Variants in OTOA observed in about 807,000 individuals in gnomAD.
The protein encoded by OTOA is cancer/testis antigen 108.
OTOA carries 70 observed loss-of-function variants against 110.8 expected under a neutral mutation model. The ratio of observed to expected loss-of-function variants is 0.63; its 90% confidence interval spans 0.52 to 0.77. The LOEUF is 0.77. Ranked by LOEUF, OTOA falls within the 30% of genes least tolerant of loss-of-function variation. The probability of loss-of-function intolerance (pLI) is 0.00; values close to 1 mark genes in which losing one functional copy is unlikely to be tolerated. For missense variants in OTOA, 917 were observed against 1,075.8 expected, an observed-to-expected ratio of 0.85 and a Z score of 2.06; for synonymous variants, 373 against 431.5, an observed-to-expected ratio of 0.86 and a Z score of 1.68.
chr16:21,716,940 G>T lies in OTOA; in HGVS notation c.1522G>T (p.Val508Leu). The T allele has an allele frequency of 6.2e-7, 1 of 1,614,006 alleles. No individual in the cohort carries two copies. The highest frequency in any genetic ancestry group is 8.5e-7 in the Non-Finnish European group (1 of 1,180,000). The change falls in exon 15 of 29, where the codon GTG (valine) becomes TTG (leucine). Residue 508 changes from valine (V) to leucine (L), a missense_variant. Physicochemically the swap from Val to Leu is conservative, Grantham distance 32. This residue lies in a region of OTOA where 840 missense variants were observed against 910.2 expected (regional missense o/e 0.92). Transcript: ENST00000646100. ...VQAEDTAPGI[V>L]EIQGAFFKEV... ...AGCGGAAGACACTGCCCCAGGCATC[G>T]TGGAGATACAAGGGGCTTTCTTTAA...
Position 21,691,642 on chromosome 16 carries a change from T to A in OTOA, c.694T>A (p.Tyr232Asn). The stretch of plus-strand genomic sequence containing the variant: ...CTCGGCTCATTCCCAGAGAGCTCTC[T>A]ATTCCTGGATGACTGGAATACTGCA... ...KTSAHSQRALYSWMTGILQTS... is the reference protein window; with the variant it reads ...KTSAHSQRALNSWMTGILQTS... Residue 232 changes from tyrosine (Y) to asparagine (N), a missense_variant, in exon 9 of 29, where the codon TAT becomes AAT. Coordinates refer to ENST00000646100, the MANE Select transcript of OTOA (RefSeq NM_144672.4). 6.2e-7 allele frequency: 1 copy of A among 1,613,920 alleles called. No homozygotes were observed. The highest frequency in any genetic ancestry group is 1.1e-5 in the South Asian group (1 of 91,066).
At chr16:21,705,372 C>G (rs1472950066) in intron 12 of OTOA, 80 bp downstream of exon 12, 2 of 1,606,068 alleles carry the variant, frequency 1.2e-6, no homozygotes, top group Non-Finnish European at 1.7e-6. Flanking sequence ...CCTAGCTTAG[C>G]CTTTGGGAGA....
chr16:21,690,807 A>C (rs957658652), intron 8 of OTOA, among the ~76,000 whole-genome samples: 1 of 151,948 alleles, frequency 6.6e-6, no homozygotes, highest in Non-Finnish European at 1.5e-5. Context: ...ACATTCAAGA[A>C]AGGGAAGGTT....
chr16:21,712,886 G>A (rs563438171), intron 13 of OTOA, among the ~76,000 whole-genome samples: 1 of 152,080 alleles, frequency 6.6e-6, no homozygotes, highest in Non-Finnish European at 1.5e-5. Flanking sequence ...GCGGTAAAGG[G>A]GTTTAAGAGT....
intron 6 of OTOA, among the ~76,000 whole-genome samples, chr16:21,683,959 G>C (rs1238446435): frequency 6.6e-6 from 1 of 151,738 alleles, no homozygotes; most frequent in Non-Finnish European, 1.5e-5. Context: ...AGTAGAGATG[G>C]GGTTTCACTA....
chr16:21,670,512 C>A (rs1006907615), intron 1 of OTOA, among the ~76,000 whole-genome samples: 1 of 151,986 alleles, frequency 6.6e-6, no homozygotes, highest in African/African-American at 2.4e-5. Context: ...CTCCTTTTTC[C>A]TACCCTGTTG....
At position 21,695,132 on chromosome 16, in the gene OTOA, G is replaced by A. The variant is rs147235688; in HGVS notation, c.740-2643G>A. Among the ~76,000 whole-genome samples the A allele has an allele frequency of 2.7e-3, 410 of 152,072 alleles. 2 individuals carry two copies. Among genetic ancestry groups the A allele is most frequent in the African/African-American group, 9.0e-3 (373 of 41,458 alleles). ...CCAACCTTGCTGGCCAGGTGTGGTC[G>A]CTTACACCTCTAATCCTAGCATTTT... On this transcript the variant is annotated intron_variant, in intron 9 of 28. Coordinates refer to ENST00000646100, the MANE Select transcript of OTOA (RefSeq NM_144672.4).
At chr16:21,718,635 C>A (rs1394941668) in intron 15 of OTOA, among the ~76,000 whole-genome samples, 1 of 152,154 alleles carries the variant, frequency 6.6e-6, no homozygotes, top group Non-Finnish European at 1.5e-5. Flanking sequence ...ACAAATGACT[C>A]CCCTGTCTAC....
rs1377697278 is a variant in OTOA, at chr16:21,736,340, A to G, written c.2381A>G (p.Gln794Arg). The G allele has an allele frequency of 6.2e-7, 1 of 1,614,182 alleles. No individual in the cohort carries two copies. Among genetic ancestry groups the G allele is most frequent in the Non-Finnish European group, 8.5e-7 (1 of 1,180,032 alleles). Residue 794 changes from glutamine to arginine, a missense_variant, in exon 22 of 29, where the codon CAG becomes CGG. Gln to Arg is a conservative substitution (Grantham distance 43). Around this residue, in one of 6 missense-constraint regions of OTOA, gnomAD observed 57 missense variants for 59.7 expected, o/e 0.96. Coordinates refer to ENST00000646100, the MANE Select transcript of OTOA (RefSeq NM_144672.4). ...AAAGAATTCCTCTGGGCTGTCTTTC[A>G]GTCTGTTCGGAACAGCAGTGATAAG... ...PTKEFLWAVF[Q>R]SVRNSSDKIP...
intron 6 of OTOA, among the ~76,000 whole-genome samples, chr16:21,684,805 G>A (rs975997510): frequency 6.6e-6 from 1 of 150,826 alleles, no homozygotes; most frequent in African/African-American, 2.4e-5. Flanking sequence ...AGGCTGGAGT[G>A]CAGTGGCGTG....
chr16:21,724,625 C>A (rs189219510), intron 18 of OTOA, among the ~76,000 whole-genome samples: 2 of 152,106 alleles, frequency 1.3e-5, no homozygotes, highest in Admixed American at 1.3e-4. Flanking sequence ...AAGATTATTT[C>A]AGTAACCCAG....
rs1371089100 is a variant in OTOA at position 21,751,596 on chromosome 16, CAGA to C, written c.2776-333_2776-331del. The stretch of plus-strand genomic sequence containing the variant: ...TGCTGGAAAAGTTTGGATCCTGATG[CAGA>C]AGAAGTTGTATGTCCAAACTGTCTG... On this transcript the variant is annotated intron_variant, in intron 24 of 28. Coordinates refer to ENST00000646100, the MANE Select transcript of OTOA (RefSeq NM_144672.4). Among the ~76,000 whole-genome samples, 16 of 98,338 alleles carry C rather than the reference CAGA, an allele frequency of 1.6e-4. No individual in the cohort carries two copies. In the South Asian group the frequency reaches 4.2e-3, roughly 26 times the overall value. The allele number at this position is 98,338 out of a possible 152,430, so 64.5% of individuals were successfully genotyped here. A position where few individuals can be genotyped will look rare whatever the true frequency, so the allele number is the denominator to read the frequency against.
Position 21,749,218 on chromosome 16 carries a change from G to T in OTOA, c.2776-2717G>T, listed in dbSNP as rs571587303. Among the ~76,000 whole-genome samples, 3 of 135,920 alleles carry T rather than the reference G, an allele frequency of 2.2e-5. No individual in the cohort carries two copies. The South Asian group carries it at 7.7e-4, about 35-fold the overall frequency. 89.2% of individuals were successfully genotyped at this position (135,920 alleles called of 152,430 possible). On this transcript the variant is annotated intron_variant, in intron 24 of 28. Coordinates refer to ENST00000646100, the MANE Select transcript of OTOA (RefSeq NM_144672.4). ...CTTAATGATCTATATTGTGTGATGG[G>T]GATGACTAACATTAAACGGAGATGG...
chr16:21,723,055 C>T (rs1325451547), intron 18 of OTOA, 77 bp downstream of exon 18: 9 of 1,481,548 alleles, frequency 6.1e-6, no homozygotes, highest in Non-Finnish European at 8.5e-6. Flanking sequence ...ATGATTCTCT[C>T]CCCACTGGGT....
chr16:21,683,500 C>A (rs571288345), intron 6 of OTOA, among the ~76,000 whole-genome samples: 1 of 152,026 alleles, frequency 6.6e-6, no homozygotes, highest in African/African-American at 2.4e-5. Context: ...GGAGACAAGC[C>A]TTGCCAACAT....
chr16:21,733,868 C>T (rs570547784), intron 21 of OTOA, among the ~76,000 whole-genome samples: 9 of 152,228 alleles, frequency 5.9e-5, no homozygotes, highest in Admixed American at 3.3e-4. Flanking sequence ...GGCACGATTT[C>T]GGCTCACTGC....
intron 17 of OTOA, chr16:21,721,418 T>C (rs1414668494): frequency 2.2e-6 from 1 of 455,498 alleles, no homozygotes; most frequent in Non-Finnish European, 4.4e-6. Flanking sequence ...GGAGCAGAGC[T>C]ACTGGCCTCT....
chr16:21,705,893 C>T (rs1300394596), intron 12 of OTOA, among the ~76,000 whole-genome samples: 2 of 151,530 alleles, frequency 1.3e-5, no homozygotes, highest in Admixed American at 6.6e-5. Context: ...GAGCTGAGAT[C>T]GTGCCACTGC....
chr16:21,712,743 G>C (rs1231758822), intron 13 of OTOA, among the ~76,000 whole-genome samples: 4 of 151,954 alleles, frequency 2.6e-5, no homozygotes, highest in Non-Finnish European at 5.9e-5. Context: ...TACTCGGGAG[G>C]CTGAGGCAGG....
Sources: gnomAD v4.1 joint callset for allele counts (sites outside exome capture counted in the v4.1 genomes callset) on GRCh38, gnomAD v4.1.1 for gene constraint, gnomAD v4.1.1 regional missense constraint, MANE v1.5 for transcripts, NCBI Gene and HGNC (gene_info 2026-07-23, HGNC 2026-07-21) for gene names.